SPIDR: variants seen among roughly 807,000 people sequenced by gnomAD.
The protein encoded by SPIDR is DNA repair-scaffolding protein.
SPIDR carries 93 observed loss-of-function variants against 104.6 expected under a neutral mutation model. The observed-to-expected ratio is 0.89, with a 90% CI of 0.75 to 1.06. The LOEUF is 1.06. Ranked by LOEUF, SPIDR falls within the 50% of genes least tolerant of loss-of-function variation. The pLI is 0.00. For synonymous variants in SPIDR, 431 were observed against 416.9 expected (o/e 1.03, Z -0.41); for missense variants, 1,154 against 1,111.2 (o/e 1.04, Z -0.55).
chr8:47,264,884 TAATG>T (rs1314025894), intron 1 of SPIDR, among the ~76,000 whole-genome samples: 26 of 152,180 alleles, frequency 1.7e-4, no homozygotes, highest in Admixed American at 6.5e-4. Context: ...ATGTTGGTGA[TAATG>T]AAAGCAATTA....
intron 8 of SPIDR, among the ~76,000 whole-genome samples, chr8:47,444,839 T>C (rs1310711460): frequency 2.0e-5 from 3 of 152,346 alleles, no homozygotes; most frequent in Non-Finnish European, 1.5e-5. Context: ...CAGTGTGATA[T>C]AGTTTTTAAA....
chr8:47,683,035 G>A (rs1476361356), intron 11 of SPIDR, among the ~76,000 whole-genome samples: 1 of 152,230 alleles, frequency 6.6e-6, no homozygotes, highest in Non-Finnish European at 1.5e-5. Context: ...TCACAGGAAG[G>A]AGGATGAATG....
intron 8 of SPIDR, among the ~76,000 whole-genome samples, chr8:47,456,343 C>T (rs2154351088): frequency 6.6e-6 from 1 of 152,250 alleles, no homozygotes. Flanking sequence ...ACCAGGCCTA[C>T]TTAACATCTT....
intron 8 of SPIDR, among the ~76,000 whole-genome samples, chr8:47,528,740 T>C (rs888646586): frequency 6.8e-6 from 1 of 148,126 alleles, no homozygotes; most frequent in African/African-American, 2.5e-5. Context: ...CAACCAAGAC[T>C]CCCAAAACTA....
At chr8:47,615,573 A>G (rs2064190118) in intron 10 of SPIDR, among the ~76,000 whole-genome samples, 1 of 148,346 alleles carries the variant, frequency 6.7e-6, no homozygotes, top group South Asian at 2.1e-4. Flanking sequence ...CTCGGGTTCC[A>G]GCAATTCTCC....
At chr8:47,360,016 G>A (rs2154288549) in intron 5 of SPIDR, among the ~76,000 whole-genome samples, 1 of 152,174 alleles carries the variant, frequency 6.6e-6, no homozygotes, top group African/African-American at 2.4e-5. Context: ...GCCGAGGCGG[G>A]CGGATCACAA....
intron 6 of SPIDR, among the ~76,000 whole-genome samples, chr8:47,402,373 A>G (rs1281515104): frequency 6.6e-6 from 1 of 152,218 alleles, no homozygotes; most frequent in African/African-American, 2.4e-5. Context: ...ACTGAAGGAG[A>G]TAGAGACAAA....
At chr8:47,606,442 C>T (rs2062956409) in intron 10 of SPIDR, among the ~76,000 whole-genome samples, 3 of 152,098 alleles carry the variant, frequency 2.0e-5, no homozygotes, top group South Asian at 2.1e-4. Flanking sequence ...AGGAGAATGG[C>T]GTGAACCCAG....
chr8:47,380,245 A>G (rs1232509537), intron 5 of SPIDR, among the ~76,000 whole-genome samples: 2 of 152,236 alleles, frequency 1.3e-5, no homozygotes, highest in Non-Finnish European at 1.5e-5. Flanking sequence ...GCTCCCTTGC[A>G]GCAGCTCAGG....
chr8:47,499,979 T>A (rs1055049197), intron 8 of SPIDR, among the ~76,000 whole-genome samples: 14 of 152,322 alleles, frequency 9.2e-5, no homozygotes, highest in African/African-American at 2.9e-4. Context: ...AACTCATCCT[T>A]TTTTATGGCT....
chr8:47,492,162 A>G (rs868942686), intron 8 of SPIDR, among the ~76,000 whole-genome samples: 13 of 152,130 alleles, frequency 8.5e-5, no homozygotes, highest in African/African-American at 1.2e-4. Flanking sequence ...TGTGCCAAGA[A>G]TGGCCCAGGC....
chr8:47,679,661 T>C (rs1346979346), intron 11 of SPIDR, among the ~76,000 whole-genome samples: 1 of 152,272 alleles, frequency 6.6e-6, no homozygotes, highest in Non-Finnish European at 1.5e-5. Flanking sequence ...CTGTGCCATG[T>C]GCTGCGCCAC....
intron 5 of SPIDR, among the ~76,000 whole-genome samples, chr8:47,303,778 C>G (rs1464590125): frequency 6.6e-6 from 1 of 152,138 alleles, no homozygotes; most frequent in East Asian, 1.9e-4. Flanking sequence ...GTGATTTTTG[C>G]ATCCTTGTTC....
At chr8:47,544,921 T>A (rs2088970585) in intron 8 of SPIDR, among the ~76,000 whole-genome samples, 1 of 152,224 alleles carries the variant, frequency 6.6e-6, no homozygotes, top group Admixed American at 6.5e-5. Flanking sequence ...ACTAATTATA[T>A]GACATAATGA....
rs2086215791 is a variant in SPIDR at position 47,736,144 on chromosome 8, C to G, written c.*694C>G. On this transcript the variant is annotated 3_prime_UTR_variant, in exon 20 of 20. Coordinates refer to ENST00000297423, the MANE Select transcript of SPIDR (RefSeq NM_001080394.4). ...GTCAGTCGGATATTTGCTTTGCTGG[C>G]AAAGATTTAAACCAAGAATTAATTA... 6.5e-6 allele frequency: 1 copy of G among 153,906 alleles called. No homozygotes were observed. Among genetic ancestry groups the G allele is most frequent in the Admixed American group, 6.4e-5 (1 of 15,672 alleles). 9.5% of individuals were successfully genotyped at this position (153,906 alleles called of 1,614,324 possible).
intron 8 of SPIDR, chr8:47,592,533 C>T: frequency 8.0e-6 from 11 of 1,366,486 alleles, no homozygotes; most frequent in Non-Finnish European, 1.1e-5. Context: ...TCATCTGGTT[C>T]TGCTTTGATG....
At chr8:47,460,944 T>A (rs1400108819) in intron 8 of SPIDR, among the ~76,000 whole-genome samples, 1 of 152,220 alleles carries the variant, frequency 6.6e-6, no homozygotes, top group African/African-American at 2.4e-5. Context: ...TACAAAGTTC[T>A]TGGCTGATAA....
intron 8 of SPIDR, among the ~76,000 whole-genome samples, chr8:47,565,992 ATTTTTTTTT>A (rs768002878): frequency 6.7e-5 from 1 of 14,950 alleles, no homozygotes; most frequent in Non-Finnish European, 1.5e-4. Context: ...ATATATATAT[ATTTTTTTTT>A]TTTTTTTTTT....
chr8:47,301,106 A>G (rs1284114267), intron 5 of SPIDR, among the ~76,000 whole-genome samples: 5 of 152,044 alleles, frequency 3.3e-5, no homozygotes, highest in Non-Finnish European at 7.4e-5. Flanking sequence ...GTCTCTAAGG[A>G]CTTGCTTTAT....
Sources: gnomAD v4.1 joint callset for allele counts (sites outside exome capture counted in the v4.1 genomes callset) on GRCh38, gnomAD v4.1.1 for gene constraint, MANE v1.5 for transcripts, NCBI Gene and HGNC (gene_info 2026-07-23, HGNC 2026-07-21) for gene names.